Variants in CCDC88A observed in about 807,000 individuals in gnomAD.
The protein encoded by CCDC88A is girdin.
In CCDC88A, 54 loss-of-function variants were observed where a neutral mutation model predicts 234.3. The ratio of observed to expected loss-of-function variants is 0.23; its 90% confidence interval spans 0.19 to 0.29. CCDC88A has a LOEUF of 0.29. Among genes scored for constraint, CCDC88A ranks in the 10% least tolerant of loss-of-function variants. The pLI, the probability that CCDC88A is intolerant of heterozygous loss-of-function variation, is 1.00. For synonymous variants in CCDC88A, 753 were observed against 737.8 expected, an observed-to-expected ratio of 1.02 and a Z score of -0.33; for missense variants, 1,832 against 2,123.4, an observed-to-expected ratio of 0.86 and a Z score of 2.70.
chr2:55,319,624 T>C (rs182976137), intron 18 of CCDC88A, among the ~76,000 whole-genome samples: 39 of 152,324 alleles, frequency 2.6e-4, no homozygotes, highest in African/African-American at 9.1e-4. Flanking sequence ...CTATTTCAAC[T>C]ATAAGACTCC....
intron 4 of CCDC88A, 119 bp from the exon 5 acceptor site, chr2:55,372,629 G>C: frequency 3.6e-6 from 2 of 552,730 alleles, no homozygotes; most frequent in Non-Finnish European, 6.5e-6. Context: ...TTCAGTCTAA[G>C]CATATGTAGT....
At chr2:55,372,961 T>G (rs1316837648) in intron 4 of CCDC88A, among the ~76,000 whole-genome samples, 1 of 152,154 alleles carries the variant, frequency 6.6e-6, no homozygotes, top group Admixed American at 6.5e-5. Flanking sequence ...CTTATAAAAT[T>G]TAAATGGTTT....
chr2:55,393,712 C>G lies in CCDC88A; in HGVS notation c.165-4826G>C, dbSNP rs535161284. ...AAAAAATCACACCATCAGTAAAGGA[C>G]AGTTTATTTCCACCTTTTCAATCTT... On this transcript the variant is annotated intron_variant, in intron 2 of 32. Transcript: ENST00000436346. Among the ~76,000 whole-genome samples the G allele has an allele frequency of 4.1e-4, 62 of 152,236 alleles. No individual in the cohort carries two copies. In the South Asian group the frequency reaches 0.012, roughly 31 times the overall value.
intron 2 of CCDC88A, among the ~76,000 whole-genome samples, chr2:55,416,492 A>G (rs1454418): frequency 6.0e-5 from 4 of 66,614 alleles, no homozygotes; most frequent in African/African-American, 1.3e-4. Context: ...ATATATGTAT[A>G]TATTTTCTTC....
At chr2:55,408,824 G>T (rs368153103) in intron 2 of CCDC88A, among the ~76,000 whole-genome samples, 1 of 152,132 alleles carries the variant, frequency 6.6e-6, no homozygotes, top group East Asian at 1.9e-4. Flanking sequence ...CCCTCTCTTG[G>T]GGTCTGGATT....
Position 55,295,699 on chromosome 2 carries a change from G to A in CCDC88A, c.5449C>T (p.Arg1817Ter). The change falls in exon 31 of 33, where the codon CGA (arginine) becomes TGA (stop). Residue 1817 changes from arginine (R) to a stop codon, truncating the protein, a stop_gained. Coordinates refer to ENST00000436346, the MANE Select transcript of CCDC88A (RefSeq NM_001365480.1). LOFTEE classifies it high-confidence loss of function. The stretch of plus-strand genomic sequence containing the variant: ...AAAAAATCATGGATGCTTGTCCTTC[G>A]TGTAGTTCCTTCGGCAGTTGAGATC... ...SVISTAEGTTRRTSIHDFLTK... is the reference protein window; with the variant it reads ...SVISTAEGTT The A allele has an allele frequency of 6.2e-7, 1 of 1,614,180 alleles. No individual in the cohort carries two copies. The highest frequency in any genetic ancestry group is 8.5e-7 in the Non-Finnish European group (1 of 1,180,012).
chr2:55,343,954 A>G (rs569527333), intron 11 of CCDC88A, 162 bp from the exon 12 acceptor site: 1 of 527,094 alleles, frequency 1.9e-6, no homozygotes, highest in Admixed American at 3.7e-5. Flanking sequence ...ATTACCGGTC[A>G]TTATACTGAT....
chr2:55,305,424 C>T (rs963369347), intron 25 of CCDC88A, among the ~76,000 whole-genome samples: 3 of 152,192 alleles, frequency 2.0e-5, no homozygotes, highest in Non-Finnish European at 4.4e-5. Flanking sequence ...ATATCACTTC[C>T]TTCTGATTCT....
chr2:55,317,977 T>G lies in CCDC88A; in HGVS notation c.3325-136A>C. ...ATATTTACATTATACTGGGAAGACG[T>G]GGATTTTAGCTTCCCAAAGAATAAG... On this transcript the variant is annotated intron_variant, in intron 19 of 32. Coordinates refer to ENST00000436346, the MANE Select transcript of CCDC88A (RefSeq NM_001365480.1). The surrounding 1 kb of genome is among the most constrained non-coding windows in gnomAD (Gnocchi z 4.2). 1.6e-6 allele frequency: 1 copy of G among 626,594 alleles called. No homozygotes were observed. Among genetic ancestry groups the G allele is most frequent in the Non-Finnish European group, 2.6e-6 (1 of 381,280 alleles). The allele number at this position is 626,594 out of a possible 1,614,324, so 38.8% of individuals were successfully genotyped here. A position where few individuals can be genotyped will look rare whatever the true frequency, so the allele number is the denominator to read the frequency against.
chr2:55,304,230 C>G (rs575893616), intron 25 of CCDC88A, among the ~76,000 whole-genome samples: 1 of 152,216 alleles, frequency 6.6e-6, no homozygotes, highest in African/African-American at 2.4e-5. Flanking sequence ...CCCAGGAGTT[C>G]AAGGCTATAG....
At position 55,300,075 on chromosome 2, in the gene CCDC88A, C is replaced by T. The variant is rs547932398; in HGVS notation, c.4745-156G>A. ...TTAGAAAGCAAATTTCCAGATAGTTCATTGAGACACTTTAGAATAGGACAC... is the reference window on the plus strand; with the variant it reads ...TTAGAAAGCAAATTTCCAGATAGTTTATTGAGACACTTTAGAATAGGACAC... On this transcript the variant is annotated intron_variant, in intron 28 of 32. Coordinates refer to ENST00000436346, the MANE Select transcript of CCDC88A (RefSeq NM_001365480.1). The T allele has an allele frequency of 2.0e-4, 119 of 596,522 alleles. 1 individual carries two copies. In the South Asian group the frequency reaches 2.3e-3, roughly 11 times the overall value. The allele number at this position is 596,522 out of a possible 1,614,324, so 37.0% of individuals were successfully genotyped here.
At chr2:55,322,831 T>C in intron 17 of CCDC88A, 139 bp from the exon 18 acceptor site, 2 of 447,062 alleles carry the variant, frequency 4.5e-6, no homozygotes, top group East Asian at 6.6e-5. Flanking sequence ...ATATGTATGA[T>C]TTATGCTTTT....
intron 3 of CCDC88A, among the ~76,000 whole-genome samples, chr2:55,382,612 T>G (rs1674782716): frequency 6.6e-6 from 1 of 152,208 alleles, no homozygotes. Context: ...AAAAATAAAT[T>G]TTTTAAGAGC....
chr2:55,336,844 A>G (rs1326389890), intron 13 of CCDC88A, 26 bp from the exon 14 acceptor site: 2 of 1,438,322 alleles, frequency 1.4e-6, no homozygotes, highest in South Asian at 2.5e-5. Context: ...TCACAAAACA[A>G]TACGTTAAAT....
Position 55,317,859 on chromosome 2 carries a change from G to C in CCDC88A, c.3325-18C>G, listed in dbSNP as rs192254794. Reference sequence around the variant, plus strand: ...TTTTCAACCTATAAGAATATATATTGTTATCAGACATAAGAAAAACAGTTC... The same window carrying C: ...TTTTCAACCTATAAGAATATATATTCTTATCAGACATAAGAAAAACAGTTC... On this transcript the variant is annotated intron_variant, in intron 19 of 32. Transcript: ENST00000436346. The surrounding 1 kb of genome is among the most constrained non-coding windows in gnomAD (Gnocchi z 4.2). 1.3e-6 allele frequency: 2 copies of C among 1,495,994 alleles called. No homozygotes were observed. Among genetic ancestry groups the C allele is most frequent in the African/African-American group, 1.4e-5 (1 of 71,626 alleles). The allele number at this position is 1,495,994 out of a possible 1,614,324, so 92.7% of individuals were successfully genotyped here. A position where few individuals can be genotyped will look rare whatever the true frequency, so the allele number is the denominator to read the frequency against.
In CCDC88A at chr2:55,343,893, G is replaced by GT. The variant is rs1208684377; in HGVS notation, c.1189-102dup. On this transcript the variant is annotated intron_variant, in intron 11 of 32. Transcript: ENST00000436346. ...ACAACTTTTATTTATCAGAAACTCAGTAATAATTATGAGTTCTTTAAATTT... is the reference window on the plus strand; with the variant it reads ...ACAACTTTTATTTATCAGAAACTCAGTTAATAATTATGAGTTCTTTAAATTT... 1.3e-5 allele frequency: 13 copies of GT among 985,020 alleles called. No homozygotes were observed. The African/African-American group carries it at 1.8e-4, about 14-fold the overall frequency. 61.0% of individuals were successfully genotyped at this position (985,020 alleles called of 1,614,324 possible). A position where few individuals can be genotyped will look rare whatever the true frequency, so the allele number is the denominator to read the frequency against.
intron 2 of CCDC88A, among the ~76,000 whole-genome samples, chr2:55,390,053 A>AAAAAAAG (rs377022377): frequency 0.52 from 40,896 of 77,978 alleles, 13,163 homozygotes; most frequent in Non-Finnish European, 0.64. Context: ...AAAAAAATAA[A>AAAAAAAG]AAATAAAGAT....
chr2:55,339,195 G>A (rs1385882318), intron 13 of CCDC88A: 1 of 284,432 alleles, frequency 3.5e-6, no homozygotes, highest in Non-Finnish European at 6.4e-6. Context: ...CCGACCTCAG[G>A]TTATCCATCT....
intron 3 of CCDC88A, among the ~76,000 whole-genome samples, chr2:55,380,864 C>A (rs1179142371): frequency 6.6e-6 from 1 of 152,154 alleles, no homozygotes; most frequent in African/African-American, 2.4e-5. Context: ...TGATCGCTTG[C>A]CTTGGCCTCC....
Sources: gnomAD v4.1 joint callset for allele counts (sites outside exome capture counted in the v4.1 genomes callset) on GRCh38, gnomAD v4.1.1 for gene constraint, Gnocchi (gnomAD v3.1) non-coding constraint, MANE v1.5 for transcripts, NCBI Gene and HGNC (gene_info 2026-07-23, HGNC 2026-07-21) for gene names.